Variants in CACNG4 observed in about 807,000 individuals in gnomAD.
CACNG4 encodes calcium voltage-gated channel auxiliary subunit gamma 4.
Under a neutral mutation model 22.9 loss-of-function variants are expected in CACNG4, and 8 were observed. That is an observed-to-expected ratio of 0.35 (90% confidence interval 0.21 to 0.63). The LOEUF (loss-of-function observed/expected upper bound fraction) is 0.63, where lower values mean the gene tolerates loss of function less well. Ranked by LOEUF, CACNG4 falls within the 30% of genes least tolerant of loss-of-function variation. The probability of loss-of-function intolerance (pLI) is 0.72; values close to 1 mark genes in which losing one functional copy is unlikely to be tolerated. For missense variants in CACNG4, 357 were observed against 455.4 expected, an observed-to-expected ratio of 0.78 and a Z score of 1.97; for synonymous variants, 188 against 191.9, an observed-to-expected ratio of 0.98 and a Z score of 0.17.
At chr17:66,978,636 G>A (rs4791000) in intron 1 of CACNG4, among the ~76,000 whole-genome samples, 9,740 of 152,264 alleles carry the variant, frequency 0.064, 425 homozygotes, top group South Asian at 0.11. Context: ...GGGATGCCCC[G>A]TACTCGCTTC....
chr17:66,989,084 C>T lies in CACNG4; in HGVS notation c.220+23953C>T, dbSNP rs574715511. ...TCAAAAAAAAAAAAAAAAAAAAAGG[C>T]AAGAGAGTTAAATGAGAAGAGAAAC... On this transcript the variant is annotated intron_variant, in intron 1 of 3. Coordinates refer to ENST00000262138, the MANE Select transcript of CACNG4 (RefSeq NM_014405.4). Among the ~76,000 whole-genome samples the T allele has an allele frequency of 3.4e-3, 412 of 122,350 alleles. 19 individuals carry two copies. The highest frequency in any genetic ancestry group is 0.013 in the African/African-American group (400 of 30,930). The allele number at this position is 122,350 out of a possible 152,430, so 80.3% of individuals were successfully genotyped here.
intron 1 of CACNG4, among the ~76,000 whole-genome samples, chr17:66,988,904 C>CA (rs575662080): frequency 1.3e-5 from 2 of 151,640 alleles, no homozygotes; most frequent in East Asian, 1.9e-4. Flanking sequence ...ACTAAAAATA[C>CA]AAAAAAATTA....
intron 1 of CACNG4, among the ~76,000 whole-genome samples, chr17:67,012,263 G>A (rs766667549): frequency 2.6e-5 from 4 of 152,202 alleles, no homozygotes; most frequent in Admixed American, 6.5e-5. Flanking sequence ...ATGCCTGATC[G>A]TTCTGCTGTG....
At chr17:66,980,382 C>A (rs759152648) in intron 1 of CACNG4, among the ~76,000 whole-genome samples, 1 of 152,120 alleles carries the variant, frequency 6.6e-6, no homozygotes, top group African/African-American at 2.4e-5. Context: ...AAAGCTGTGT[C>A]GTGAGAGGCC....
At chr17:67,026,887 C>A (rs2035571219) in intron 3 of CACNG4, among the ~76,000 whole-genome samples, 1 of 146,048 alleles carries the variant, frequency 6.8e-6, no homozygotes, top group Non-Finnish European at 1.5e-5. Context: ...CCCTTCCCTT[C>A]TTCCCCCCAC....
At chr17:67,024,717 C>A in intron 2 of CACNG4, 143 bp from the exon 3 acceptor site, 1 of 928,178 alleles carries the variant, frequency 1.1e-6, no homozygotes, top group Non-Finnish European at 1.5e-6. Flanking sequence ...TGGCCCACCT[C>A]GAGTCTCCAG....
At chr17:66,978,360 AC>A (rs979841579) in intron 1 of CACNG4, among the ~76,000 whole-genome samples, 2 of 152,170 alleles carry the variant, frequency 1.3e-5, no homozygotes, top group Admixed American at 1.3e-4. Flanking sequence ...TCATCTGCTA[AC>A]CCAAAAAATA....
At chr17:67,009,976 C>T (rs905851208) in intron 1 of CACNG4, among the ~76,000 whole-genome samples, 3 of 152,020 alleles carry the variant, frequency 2.0e-5, no homozygotes, top group Non-Finnish European at 1.5e-5. Context: ...CAAGACCCCA[C>T]CCCCATCCCA....
At chr17:66,975,190 C>A (rs2035228881) in intron 1 of CACNG4, among the ~76,000 whole-genome samples, 1 of 152,184 alleles carries the variant, frequency 6.6e-6, no homozygotes, top group Non-Finnish European at 1.5e-5. Flanking sequence ...CCAGACAGAG[C>A]CTGGGAAAAA....
intron 1 of CACNG4, among the ~76,000 whole-genome samples, chr17:66,971,110 G>T (rs2035201499): frequency 6.6e-6 from 1 of 152,200 alleles, no homozygotes; most frequent in African/African-American, 2.4e-5. Context: ...AATGGGGCCT[G>T]ACTGTTCTGG....
In CACNG4 at chr17:67,030,932, T is replaced by C. The variant is rs374952962; in HGVS notation, c.912T>C (p.His304=). 13 of 1,613,462 alleles carry C rather than the reference T, an allele frequency of 8.1e-6. No individual in the cohort carries two copies. In the African/African-American group the frequency reaches 1.5e-4, roughly 18 times the overall value. Residue 304 remains histidine, a synonymous_variant, in exon 4 of 4, where the codon CAT becomes CAC. Transcript: ENST00000262138. The surrounding 1 kb of genome is among the most constrained non-coding windows in gnomAD (Gnocchi z 6.4). ...AGGAGGCCAGCTTCCTGCAGGTGCATGACTTTTTCCAGCAGGACCTGAAGG... is the reference window on the plus strand; with the variant it reads ...AGGAGGCCAGCTTCCTGCAGGTGCACGACTTTTTCCAGCAGGACCTGAAGG... ...PDQEASFLQV[H]DFFQQDLKEG...
intron 1 of CACNG4, among the ~76,000 whole-genome samples, chr17:67,005,670 C>A (rs1352921378): frequency 6.6e-6 from 1 of 152,210 alleles, no homozygotes; most frequent in Non-Finnish European, 1.5e-5. Flanking sequence ...AGTCCAGTGC[C>A]GTCTCCCTTC....
Position 66,983,750 on chromosome 17 carries a change from T to A in CACNG4, c.220+18619T>A, listed in dbSNP as rs547715450. 3.3e-5 allele frequency among the ~76,000 whole-genome samples: 5 copies of A among 152,334 alleles called. No homozygotes were observed. The South Asian group carries it at 1.0e-3, about 32-fold the overall frequency. ...ATGCACTTCAAAGCCCTGGAACCCA[T>A]GTTTTGCAGGGGCTGCCACCCACTG... is the stretch of plus-strand genomic sequence containing the variant. On this transcript the variant is annotated intron_variant, in intron 1 of 3. Coordinates refer to ENST00000262138, the MANE Select transcript of CACNG4 (RefSeq NM_014405.4).
At chr17:67,009,779 T>C (rs556143360) in intron 1 of CACNG4, among the ~76,000 whole-genome samples, 1 of 152,284 alleles carries the variant, frequency 6.6e-6, no homozygotes, top group South Asian at 2.1e-4. Flanking sequence ...AAACAAGCTC[T>C]CCAGAGTCTC....
intron 1 of CACNG4, among the ~76,000 whole-genome samples, chr17:66,986,083 G>A (rs911870342): frequency 2.0e-5 from 3 of 152,240 alleles, no homozygotes; most frequent in Admixed American, 6.5e-5. Context: ...CCAGCTCCTG[G>A]GATGCATGGG....
intron 1 of CACNG4, among the ~76,000 whole-genome samples, chr17:66,989,696 G>A (rs949785868): frequency 6.6e-6 from 1 of 151,406 alleles, no homozygotes; most frequent in Non-Finnish European, 1.5e-5. Flanking sequence ...TCCAAGAGGG[G>A]GTAGCCTCAA....
At chr17:67,017,359 G>C (rs1407332622) in intron 1 of CACNG4, among the ~76,000 whole-genome samples, 2 of 152,128 alleles carry the variant, frequency 1.3e-5, no homozygotes, top group East Asian at 3.9e-4. Flanking sequence ...TTACAGGCGT[G>C]AGCCACTGCA....
chr17:67,000,299 C>T (rs558791378), intron 1 of CACNG4, among the ~76,000 whole-genome samples: 39 of 152,328 alleles, frequency 2.6e-4, no homozygotes, highest in Admixed American at 5.9e-4. Flanking sequence ...CCAGGGTTTG[C>T]TCCGTCTCCC....
chr17:67,025,499 G>A (rs576481094), intron 3 of CACNG4, among the ~76,000 whole-genome samples: 28 of 152,356 alleles, frequency 1.8e-4, no homozygotes, highest in African/African-American at 3.1e-4. Flanking sequence ...ATGAGTGGCC[G>A]TCTTGCAGAG....
Sources: allele counts gnomAD v4.1 joint callset (sites outside exome capture counted in the v4.1 genomes callset), GRCh38; gene constraint gnomAD v4.1.1; non-coding constraint Gnocchi (gnomAD v3.1); transcripts MANE v1.5; gene names NCBI Gene and HGNC (gene_info 2026-07-23, HGNC 2026-07-21).